Variants in DENND1B observed in about 807,000 individuals in gnomAD.
The protein encoded by DENND1B is DENN domain-containing protein 1B.
In DENND1B, 59 loss-of-function variants were observed where a neutral mutation model predicts 90.1. That is an observed-to-expected ratio of 0.65 (90% confidence interval 0.53 to 0.81). The LOEUF is 0.81. Ranked by LOEUF, DENND1B falls within the 40% of genes least tolerant of loss-of-function variation. DENND1B has a pLI of 0.00. For synonymous variants in DENND1B, 337 were observed against 324.6 expected (o/e 1.04, Z -0.41); for missense variants, 862 against 912.6 (o/e 0.94, Z 0.71).
At chr1:197,512,757 A>G (rs1003596607) in intron 21 of DENND1B, 114 bp downstream of exon 21, 2 of 910,698 alleles carry the variant, frequency 2.2e-6, no homozygotes, top group Non-Finnish European at 3.3e-6. Flanking sequence ...AGAACACTGT[A>G]AAAGGGCAAC....
chr1:197,667,101 T>C (rs1655015532), intron 5 of DENND1B, among the ~76,000 whole-genome samples: 1 of 148,600 alleles, frequency 6.7e-6, no homozygotes, highest in Admixed American at 6.8e-5. Context: ...GTCACTGCAT[T>C]CCAGCCTGGC....
intron 3 of DENND1B, among the ~76,000 whole-genome samples, chr1:197,702,479 T>C (rs1027938296): frequency 6.6e-6 from 1 of 152,218 alleles, no homozygotes; most frequent in Admixed American, 6.5e-5. Flanking sequence ...ATGTCAGCAG[T>C]GATTATATTA....
chr1:197,694,380 G>C (rs1658220413), intron 3 of DENND1B, among the ~76,000 whole-genome samples: 1 of 151,280 alleles, frequency 6.6e-6, no homozygotes, highest in Admixed American at 6.6e-5. Context: ...TACTCTTGTT[G>C]TTTCCATTAT....
chr1:197,678,232 T>A (rs1030724007), intron 3 of DENND1B, among the ~76,000 whole-genome samples: 1 of 152,214 alleles, frequency 6.6e-6, no homozygotes, highest in African/African-American at 2.4e-5. Context: ...TGAAGTATAT[T>A]ATATTTTATT....
chr1:197,649,371 G>A (rs1242499263), intron 7 of DENND1B, among the ~76,000 whole-genome samples: 1 of 152,026 alleles, frequency 6.6e-6, no homozygotes, highest in East Asian at 1.9e-4. Context: ...AAGGAGAGAG[G>A]CTCTAGACTA....
chr1:197,699,281 A>G (rs902102696), intron 3 of DENND1B, among the ~76,000 whole-genome samples: 2 of 152,242 alleles, frequency 1.3e-5, no homozygotes, highest in African/African-American at 4.8e-5. Flanking sequence ...AATGTAATCC[A>G]TCACATAAAT....
chr1:197,670,131 G>T (rs998605669), intron 5 of DENND1B, among the ~76,000 whole-genome samples: 1 of 151,880 alleles, frequency 6.6e-6, no homozygotes, highest in Non-Finnish European at 1.5e-5. Flanking sequence ...TTCATGTTTT[G>T]TATAAATATT....
intron 20 of DENND1B, among the ~76,000 whole-genome samples, chr1:197,517,564 G>GCCTA (rs1192608607): frequency 6.6e-6 from 1 of 151,852 alleles, no homozygotes; most frequent in Admixed American, 6.6e-5. Context: ...CGTAGTAACT[G>GCCTA]CCTACCCCAT....
intron 20 of DENND1B, among the ~76,000 whole-genome samples, chr1:197,519,056 A>G (rs2125608078): frequency 6.6e-6 from 1 of 152,038 alleles, no homozygotes; most frequent in South Asian, 2.1e-4. Flanking sequence ...GTCCATAGAG[A>G]TGCAAGTAAA....
At chr1:197,697,660 A>C (rs1231668969) in intron 3 of DENND1B, among the ~76,000 whole-genome samples, 1 of 151,828 alleles carries the variant, frequency 6.6e-6, no homozygotes, top group East Asian at 1.9e-4. Flanking sequence ...CTGGTGTGCT[A>C]TATTCAGGAG....
intron 14 of DENND1B, among the ~76,000 whole-genome samples, chr1:197,592,526 C>G (rs574909575): frequency 6.6e-6 from 1 of 152,194 alleles, no homozygotes; most frequent in East Asian, 1.9e-4. Context: ...GGGGTCAGTA[C>G]AAACACAAAC....
chr1:197,645,520 A>G (rs1680650885), intron 9 of DENND1B, among the ~76,000 whole-genome samples, 170 bp downstream of exon 9: 1 of 152,002 alleles, frequency 6.6e-6, no homozygotes. Context: ...GCAGATATAT[A>G]AAGAAGAAAA....
In DENND1B at chr1:197,762,842, G is replaced by A. The variant is rs144483261; in HGVS notation, c.82+10026C>T. On this transcript the variant is annotated intron_variant, in intron 2 of 22. Coordinates refer to ENST00000620048, the MANE Select transcript of DENND1B (RefSeq NM_001195215.2). ...TCTGACATATTTCATTTAGCATAAT[G>A]TACTCCAGGCCCATCCATGTTGTAG... 2.0e-3 allele frequency among the ~76,000 whole-genome samples: 304 copies of A among 152,158 alleles called. 2 individuals are homozygous for A. The highest frequency in any genetic ancestry group is 7.0e-3 in the African/African-American group (292 of 41,506).
At chr1:197,689,734 T>G (rs986185746) in intron 3 of DENND1B, 1 of 152,372 alleles carries the variant, frequency 6.6e-6, no homozygotes, top group African/African-American at 2.4e-5. Flanking sequence ...TTTTTTATTT[T>G]AATCCATCCT....
chr1:197,553,233 G>T, intron 15 of DENND1B, 121 bp from the exon 16 acceptor site: 1 of 751,122 alleles, frequency 1.3e-6, no homozygotes, highest in Non-Finnish European at 2.0e-6. Flanking sequence ...ACAGACTCTT[G>T]TATAAATTAC....
intron 14 of DENND1B, among the ~76,000 whole-genome samples, chr1:197,588,352 C>T (rs1674895382): frequency 6.6e-6 from 1 of 151,874 alleles, no homozygotes; most frequent in Non-Finnish European, 1.5e-5. Flanking sequence ...ATATATTGTA[C>T]CGGGAGTAGA....
chr1:197,584,846 T>C (rs919584808), intron 14 of DENND1B, among the ~76,000 whole-genome samples: 4 of 152,032 alleles, frequency 2.6e-5, no homozygotes, highest in African/African-American at 9.7e-5. Context: ...TAACATTTTG[T>C]ATTTTCTGTA....
intron 3 of DENND1B, among the ~76,000 whole-genome samples, chr1:197,699,071 A>T (rs1658751582): frequency 6.6e-6 from 1 of 152,204 alleles, no homozygotes; most frequent in African/African-American, 2.4e-5. Flanking sequence ...TGAAGCCAGC[A>T]TAATCCTGAT....
At chr1:197,705,733 T>C (rs1659466685) in intron 3 of DENND1B, among the ~76,000 whole-genome samples, 1 of 150,622 alleles carries the variant, frequency 6.6e-6, no homozygotes, top group Admixed American at 6.6e-5. Flanking sequence ...GACTAAAATA[T>C]ATATATATAT....
Sources: allele counts gnomAD v4.1 joint callset (sites outside exome capture counted in the v4.1 genomes callset), GRCh38; gene constraint gnomAD v4.1.1; transcripts MANE v1.5; gene names NCBI Gene and HGNC (gene_info 2026-07-23, HGNC 2026-07-21).